The following MAP3K7 variants were observed in gnomAD, a reference collection of about 807,000 sequenced individuals.
MAP3K7 encodes the protein mitogen-activated protein kinase kinase kinase 7, also known as TGF-beta activated kinase 1.
Under a neutral mutation model 84.8 loss-of-function variants are expected in MAP3K7, and 21 were observed. The ratio of observed to expected loss-of-function variants is 0.25; its 90% CI spans 0.18 to 0.36. The LOEUF (loss-of-function observed/expected upper bound fraction) is 0.36. Among genes scored for constraint, MAP3K7 ranks in the 10% least tolerant of loss-of-function variants. The pLI, the probability that MAP3K7 is intolerant of heterozygous loss-of-function variation, is 1.00. For synonymous variants in MAP3K7, 241 were observed against 247.7 expected (o/e 0.97, Z 0.25); for missense variants, 503 against 747.7 (o/e 0.67, Z 3.82).
intron 1 of MAP3K7, among the ~76,000 whole-genome samples, chr6:90,578,196 T>C (rs934731380): frequency 3.9e-5 from 6 of 152,332 alleles, no homozygotes; most frequent in Middle Eastern, 3.4e-3. Flanking sequence ...CAGTAGTTTA[T>C]AGAAAAATAG....
intron 16 of MAP3K7, 146 bp from the exon 17 acceptor site, chr6:90,516,827 G>T: frequency 1.7e-6 from 1 of 592,974 alleles, no homozygotes; most frequent in South Asian, 2.5e-5. Context: ...ATTATGGGCT[G>T]GGATGGAACT....
At chr6:90,536,521 G>A in intron 12 of MAP3K7, 120 bp from the exon 13 acceptor site, 1 of 671,978 alleles carries the variant, frequency 1.5e-6, no homozygotes, top group African/African-American at 1.8e-5. Flanking sequence ...AATGTTTGTG[G>A]GGAAAAAAAA....
At chr6:90,534,589 GTTCCA>G (rs1775606043) in intron 13 of MAP3K7, among the ~76,000 whole-genome samples, 1 of 152,150 alleles carries the variant, frequency 6.6e-6, no homozygotes, top group South Asian at 2.1e-4. Flanking sequence ...GTTGGCCTCA[GTTCCA>G]GCGTTTTACT....
At position 90,550,456 on chromosome 6, in the gene MAP3K7, C is replaced by T. The variant is rs760222650; in HGVS notation, c.949+12G>A. ...AAAATCAAGTCAATACTCTTCCAATCTATCCATTTACCTGTACTGGTGGCA... is the reference window on the plus strand; with the variant it reads ...AAAATCAAGTCAATACTCTTCCAATTTATCCATTTACCTGTACTGGTGGCA... On this transcript the variant is annotated intron_variant, in intron 9 of 16. Coordinates refer to ENST00000369329, the MANE Select transcript of MAP3K7 (RefSeq NM_145331.3). The T allele has an allele frequency of 1.3e-6, 2 of 1,564,684 alleles. No individual in the cohort carries two copies. Among genetic ancestry groups the T allele is most frequent in the Non-Finnish European group, 1.8e-6 (2 of 1,139,600 alleles).
chr6:90,566,644 A>G (rs1776715759), intron 3 of MAP3K7, among the ~76,000 whole-genome samples: 1 of 152,204 alleles, frequency 6.6e-6, no homozygotes, highest in South Asian at 2.1e-4. Flanking sequence ...TGCCCAAGGT[A>G]ATTTATAGAT....
Position 90,555,424 on chromosome 6 carries a change from T to G in MAP3K7, c.607+1076A>C, listed in dbSNP as rs1464301878. On this transcript the variant is annotated intron_variant, in intron 6 of 16. Transcript: ENST00000369329. ...GCGCCCGCCACCACGCCCGGCGAATTTTTTGTAGTTTTAGTAGAGATGGGG... is the reference window on the plus strand; with the variant it reads ...GCGCCCGCCACCACGCCCGGCGAATGTTTTGTAGTTTTAGTAGAGATGGGG... Among the ~76,000 whole-genome samples, 3 of 152,036 alleles carry G rather than the reference T, an allele frequency of 2.0e-5. No homozygotes were observed. The East Asian group carries it at 5.8e-4, about 29-fold the overall frequency.
intron 3 of MAP3K7, 101 bp downstream of exon 3, chr6:90,568,457 C>A (rs1185295035): frequency 2.3e-6 from 2 of 868,860 alleles, no homozygotes; most frequent in East Asian, 2.7e-5. Context: ...TTTTGAAAAA[C>A]TTAAAAAAAA....
intron 12 of MAP3K7, among the ~76,000 whole-genome samples, chr6:90,537,945 CAT>C (rs1356521702): frequency 2.0e-5 from 3 of 151,994 alleles, no homozygotes; most frequent in Admixed American, 6.6e-5. Flanking sequence ...CCACCCGACA[CAT>C]GTGTCTATAA....
chr6:90,518,648 TA>T, intron 15 of MAP3K7, 86 bp from the exon 16 acceptor site: 1 of 723,194 alleles, frequency 1.4e-6, no homozygotes, highest in Non-Finnish European at 2.4e-6. Flanking sequence ...GACTGTGATA[TA>T]TTTTTATAGC....
intron 13 of MAP3K7, among the ~76,000 whole-genome samples, chr6:90,527,414 C>T (rs767866219): frequency 1.3e-5 from 2 of 151,996 alleles, no homozygotes; most frequent in Non-Finnish European, 2.9e-5. Flanking sequence ...ATGCTCACGG[C>T]ACCATGCATG....
intron 11 of MAP3K7, among the ~76,000 whole-genome samples, chr6:90,546,337 A>G (rs1422635697): frequency 1.3e-5 from 2 of 152,198 alleles, no homozygotes; most frequent in Admixed American, 6.5e-5. Context: ...TTGGTTAGCT[A>G]AGTTAAAAAA....
chr6:90,554,692 C>T (rs1562096918), intron 6 of MAP3K7, among the ~76,000 whole-genome samples: 1 of 152,122 alleles, frequency 6.6e-6, no homozygotes, highest in African/African-American at 2.4e-5. Context: ...TAAAATTAAT[C>T]TTTTGTATAA....
At chr6:90,518,181 A>C (rs112951422) in intron 16 of MAP3K7, among the ~76,000 whole-genome samples, 3 of 151,906 alleles carry the variant, frequency 2.0e-5, no homozygotes, top group Admixed American at 6.6e-5. Context: ...GAAAACAATA[A>C]ATCTTTATAA....
intron 12 of MAP3K7, among the ~76,000 whole-genome samples, chr6:90,538,788 G>T (rs1775759382): frequency 6.6e-6 from 1 of 151,788 alleles, no homozygotes; most frequent in African/African-American, 2.4e-5. Flanking sequence ...GTTATCCCGG[G>T]TTTCTTCCAG....
chr6:90,561,158 T>G (rs1776500344), intron 4 of MAP3K7, among the ~76,000 whole-genome samples: 1 of 152,098 alleles, frequency 6.6e-6, no homozygotes, highest in Admixed American at 6.5e-5. Flanking sequence ...AAGAACTCTG[T>G]TCTCCAATGT....
chr6:90,538,227 T>C (rs1190891143), intron 12 of MAP3K7, among the ~76,000 whole-genome samples: 1 of 151,912 alleles, frequency 6.6e-6, no homozygotes, highest in African/African-American at 2.4e-5. Flanking sequence ...CAAATACTTG[T>C]TGCTCCAATA....
At chr6:90,538,926 A>C (rs1775763764) in intron 12 of MAP3K7, among the ~76,000 whole-genome samples, 1 of 151,910 alleles carries the variant, frequency 6.6e-6, no homozygotes, top group Non-Finnish European at 1.5e-5. Flanking sequence ...TCTTCATGTA[A>C]GAATCAACAC....
chr6:90,517,132 T>A (rs1447347920), intron 16 of MAP3K7, among the ~76,000 whole-genome samples: 2 of 151,842 alleles, frequency 1.3e-5, no homozygotes, highest in African/African-American at 4.8e-5. Flanking sequence ...AAATTTGCAA[T>A]CTAATTAAAA....
At chr6:90,561,563 A>G in intron 4 of MAP3K7, 59 bp downstream of exon 4, 1 of 1,293,682 alleles carries the variant, frequency 7.7e-7, no homozygotes, top group Non-Finnish European at 1.1e-6. Context: ...TAGGGTTTAT[A>G]TTAAAATTTT....
Sources: allele counts gnomAD v4.1 joint callset (sites outside exome capture counted in the v4.1 genomes callset), GRCh38; gene constraint gnomAD v4.1.1; transcripts MANE v1.5; gene names NCBI Gene and HGNC (gene_info 2026-07-23, HGNC 2026-07-21).